The following ZMYND8 variants were observed in gnomAD, a reference collection of about 807,000 sequenced individuals.
ZMYND8 encodes the protein MYND-type zinc finger-containing chromatin reader ZMYND8.
In ZMYND8, 37 loss-of-function variants were observed where a neutral mutation model predicts 140.8. The observed-to-expected ratio is 0.26, with a 90% confidence interval of 0.20 to 0.35. ZMYND8 has a LOEUF of 0.35. ZMYND8 is among the 10% of genes least tolerant of loss of function. The pLI is 1.00. For missense variants in ZMYND8, 1,068 were observed against 1,570.0 expected (o/e 0.68, Z 5.40); for synonymous variants, 592 against 597.1 (o/e 0.99, Z 0.12).
At chr20:47,287,176 C>T (rs2076974929) in intron 8 of ZMYND8, 53 bp downstream of exon 8, 11 of 1,525,858 alleles carry the variant, frequency 7.2e-6, no homozygotes, top group Non-Finnish European at 1.0e-5. Flanking sequence ...ACTTCAGCTG[C>T]CCCATCCCCT....
chr20:47,230,275 A>G (rs1601030731), intron 16 of ZMYND8, among the ~76,000 whole-genome samples: 1 of 151,400 alleles, frequency 6.6e-6, no homozygotes. Flanking sequence ...TGGCCCCCAG[A>G]TGTGTGGTGT....
In ZMYND8 at chr20:47,300,930, G is replaced by GTGTGTGTGTA. The variant is rs757554886; in HGVS notation, c.235-1984_235-1983insTACACACACA. Among the ~76,000 whole-genome samples the GTGTGTGTGTA allele has an allele frequency of 4.9e-3, 696 of 141,392 alleles. 8 individuals are homozygous for GTGTGTGTGTA. The highest frequency in any genetic ancestry group is 0.015 in the African/African-American group (548 of 37,580). 92.8% of individuals were successfully genotyped at this position (141,392 alleles called of 152,430 possible). On this transcript the variant is annotated intron_variant, in intron 3 of 22. Transcript: ENST00000471951. ...TGTGTGTGTGTGTGTGTGTGTGTGT[G>GTGTGTGTGTA]TGTGTTTTGTTTTGTTTTTTTTGTA...
intron 2 of ZMYND8, among the ~76,000 whole-genome samples, chr20:47,326,115 G>A (rs924759778): frequency 6.6e-5 from 10 of 152,078 alleles, no homozygotes; most frequent in African/African-American, 1.9e-4. Flanking sequence ...CCGCTACCAC[G>A]CCCGGCTAAT....
At chr20:47,245,755 C>T (rs2040491129) in intron 14 of ZMYND8, among the ~76,000 whole-genome samples, 1 of 152,202 alleles carries the variant, frequency 6.6e-6, no homozygotes, top group Non-Finnish European at 1.5e-5. Flanking sequence ...TCTTTCTGTA[C>T]TCAAAATCAA....
At chr20:47,308,083 AC>A (rs1461853944) in intron 3 of ZMYND8, among the ~76,000 whole-genome samples, 1 of 143,334 alleles carries the variant, frequency 7.0e-6, no homozygotes, top group East Asian at 2.1e-4. Context: ...ACACCAATGC[AC>A]CCCAGCCTGG....
At chr20:47,323,046 C>T (rs527989567) in intron 2 of ZMYND8, among the ~76,000 whole-genome samples, 23 of 152,282 alleles carry the variant, frequency 1.5e-4, no homozygotes, top group African/African-American at 5.3e-4. Flanking sequence ...CTCTGTGACT[C>T]AGTCATTCAG....
At chr20:47,286,743 C>T (rs1035964577) in intron 8 of ZMYND8, among the ~76,000 whole-genome samples, 1 of 152,214 alleles carries the variant, frequency 6.6e-6, no homozygotes, top group African/African-American at 2.4e-5. Flanking sequence ...AGCTCACACG[C>T]CTAAGAGGTC....
At chr20:47,251,832 G>A (rs1378406492) in intron 12 of ZMYND8, among the ~76,000 whole-genome samples, 4 of 151,814 alleles carry the variant, frequency 2.6e-5, no homozygotes, top group South Asian at 2.1e-4. Context: ...CCTCTGCCCC[G>A]CCCCGCACCA....
At chr20:47,336,547 G>A (rs575168320) in intron 2 of ZMYND8, among the ~76,000 whole-genome samples, 1 of 152,282 alleles carries the variant, frequency 6.6e-6, no homozygotes, top group Admixed American at 6.5e-5. Flanking sequence ...TCAACCCGCG[G>A]AGTACATCAT....
chr20:47,340,759 C>T (rs889353039), intron 2 of ZMYND8, among the ~76,000 whole-genome samples: 3 of 151,748 alleles, frequency 2.0e-5, no homozygotes, highest in Non-Finnish European at 1.5e-5. Flanking sequence ...TGCACTCCAG[C>T]CTGGGCAACA....
chr20:47,252,895 G>A (rs367735031), intron 12 of ZMYND8, among the ~76,000 whole-genome samples: 56 of 152,264 alleles, frequency 3.7e-4, no homozygotes, highest in African/African-American at 1.3e-3. Flanking sequence ...CTCCAGACTG[G>A]GCAAAAGAGC....
In ZMYND8 at chr20:47,285,535, G is replaced by A. The variant is rs182497926; in HGVS notation, c.804+1694C>T. On this transcript the variant is annotated intron_variant, in intron 8 of 22. Coordinates refer to ENST00000471951, the MANE Select transcript of ZMYND8 (RefSeq NM_001281775.3). Reference sequence around the variant, plus strand: ...TACAGATCACATCGTTGGGGCAGGGGGGCACATATTTACATATAGTTTTGT... The same window carrying A: ...TACAGATCACATCGTTGGGGCAGGGAGGCACATATTTACATATAGTTTTGT... Among the ~76,000 whole-genome samples the A allele has an allele frequency of 7.8e-4, 118 of 152,222 alleles. 1 individual carries two copies. In the East Asian group the frequency reaches 0.018, roughly 23 times the overall value.
intron 21 of ZMYND8, among the ~76,000 whole-genome samples, chr20:47,214,880 A>T (rs1018998614): frequency 6.6e-6 from 1 of 152,126 alleles, no homozygotes; most frequent in African/African-American, 2.4e-5. Flanking sequence ...CCTTTCTGAC[A>T]TGAAGATACC....
Position 47,328,787 on chromosome 20 carries a change from C to T in ZMYND8, c.86-18583G>A, listed in dbSNP as rs116442984. On this transcript the variant is annotated intron_variant, in intron 2 of 22. Coordinates refer to ENST00000471951, the MANE Select transcript of ZMYND8 (RefSeq NM_001281775.3). ...TAGTTTCCAGTTCTTGGAAGAGATCCTTCATTCACAAAACATTTAATGGGC... is the reference window on the plus strand; with the variant it reads ...TAGTTTCCAGTTCTTGGAAGAGATCTTTCATTCACAAAACATTTAATGGGC... Among the ~76,000 whole-genome samples the T allele has an allele frequency of 3.7e-3, 567 of 152,292 alleles. 2 individuals are homozygous for T. Among genetic ancestry groups the T allele is most frequent in the African/African-American group, 0.012 (495 of 41,546 alleles).
intron 10 of ZMYND8, among the ~76,000 whole-genome samples, chr20:47,280,999 T>C (rs139958609): frequency 6.6e-6 from 1 of 152,322 alleles, no homozygotes; most frequent in Non-Finnish European, 1.5e-5. Flanking sequence ...TTCACTTGTG[T>C]ATCATCCTTC....
At chr20:47,318,866 G>A (rs1056000660) in intron 2 of ZMYND8, 4 of 1,075,516 alleles carry the variant, frequency 3.7e-6, no homozygotes, top group African/African-American at 1.6e-5. Context: ...TCTCAACTTG[G>A]GGAAAATGGC....
intron 2 of ZMYND8, among the ~76,000 whole-genome samples, chr20:47,333,422 G>A (rs2081112430): frequency 6.6e-6 from 1 of 151,738 alleles, no homozygotes; most frequent in South Asian, 2.1e-4. Flanking sequence ...GCCAACAGGT[G>A]AAACCCCGTC....
At chr20:47,240,475 T>C (rs993467225) in intron 14 of ZMYND8, among the ~76,000 whole-genome samples, 2 of 149,372 alleles carry the variant, frequency 1.3e-5, no homozygotes, top group East Asian at 2.0e-4. Flanking sequence ...GACCATGCCA[T>C]TGCACTCCAG....
intron 3 of ZMYND8, among the ~76,000 whole-genome samples, chr20:47,308,564 T>C (rs2078682587): frequency 6.6e-6 from 1 of 152,162 alleles, no homozygotes; most frequent in African/African-American, 2.4e-5. Flanking sequence ...CATATAAAGA[T>C]TGTATGATTA....
Sources: gnomAD v4.1 joint callset for allele counts (sites outside exome capture counted in the v4.1 genomes callset) on GRCh38, gnomAD v4.1.1 for gene constraint, MANE v1.5 for transcripts, NCBI Gene and HGNC (gene_info 2026-07-23, HGNC 2026-07-21) for gene names.